Variants in UFL1 observed in about 807,000 individuals in gnomAD.
UFL1 encodes E3 UFM1-protein ligase 1.
Under a neutral mutation model 99.3 loss-of-function variants are expected in UFL1, and 78 were observed. That is an observed-to-expected ratio of 0.79 (90% confidence interval 0.65 to 0.95). UFL1 has a LOEUF of 0.95. Among genes scored for constraint, UFL1 ranks in the 40% least tolerant of loss-of-function variants. The probability of loss-of-function intolerance (pLI) is 0.00; values close to 1 mark genes in which losing one functional copy is unlikely to be tolerated. For missense variants in UFL1, 936 were observed against 937.0 expected (o/e 1.00, Z 0.01); for synonymous variants, 335 against 322.2 (o/e 1.04, Z -0.42).
At position 96,551,500 on chromosome 6, in the gene UFL1, C is replaced by A; in HGVS notation, c.1886C>A (p.Ser629Tyr). The A allele has an allele frequency of 6.5e-7, 1 of 1,527,470 alleles. No homozygotes were observed. The highest frequency in any genetic ancestry group is 2.3e-5 in the Admixed American group (1 of 44,096). The allele number at this position is 1,527,470 out of a possible 1,614,324, so 94.6% of individuals were successfully genotyped here. Residue 629 changes from serine (S) to tyrosine (Y), a missense_variant, in exon 16 of 19, where the codon TCT becomes TAT. By Grantham distance (144) the Ser-to-Tyr change is moderately radical. Coordinates refer to ENST00000369278, the MANE Select transcript of UFL1 (RefSeq NM_015323.5). ...GTAGCTCTTACAAAACTCCATAACT[C>A]TCTGAATGAAAAGGTAAGTAAAGTT... is the stretch of plus-strand genomic sequence containing the variant. ...TKVALTKLHN[S>Y]LNEKSIEDFI... is the part of the protein sequence containing the mutation.
At chr6:96,529,717 G>A (rs1769754383) in intron 6 of UFL1, among the ~76,000 whole-genome samples, 1 of 152,116 alleles carries the variant, frequency 6.6e-6, no homozygotes, top group Non-Finnish European at 1.5e-5. Context: ...CATCTTAGGT[G>A]ATTTCACATG....
intron 5 of UFL1, 24 bp downstream of exon 5, chr6:96,526,459 ATG>A: frequency 6.4e-7 from 1 of 1,573,570 alleles, no homozygotes; most frequent in Non-Finnish European, 8.7e-7. Flanking sequence ...TAATAATACA[ATG>A]TGTCTTTTTA....
At chr6:96,540,067 G>GA (rs1441936273) in intron 10 of UFL1, among the ~76,000 whole-genome samples, 85 of 111,992 alleles carry the variant, frequency 7.6e-4, no homozygotes, top group African/African-American at 4.8e-3. Context: ...AATCCAGAGG[G>GA]GGGAAAAAAA....
At chr6:96,522,695 A>C (rs560201523) in intron 1 of UFL1, among the ~76,000 whole-genome samples, 1 of 152,334 alleles carries the variant, frequency 6.6e-6, no homozygotes, top group Admixed American at 6.5e-5. Flanking sequence ...TGGTTTCACT[A>C]GGCCACATCC....
intron 16 of UFL1, 108 bp downstream of exon 16, chr6:96,551,621 A>G: frequency 1.2e-6 from 1 of 855,424 alleles, no homozygotes; most frequent in African/African-American, 1.8e-5. Context: ...TAAAACTAGT[A>G]TTTTGCACTC....
At position 96,549,656 on chromosome 6, in the gene UFL1, C is replaced by G. The variant is rs749479198; in HGVS notation, c.1688-13C>G. The G allele has an allele frequency of 8.8e-6, 14 of 1,598,386 alleles. No individual in the cohort carries two copies. The highest frequency in any genetic ancestry group is 1.2e-5 in the Non-Finnish European group (14 of 1,173,976). ...GAATAAATTAGTTTTAATAAAGGTC[C>G]TTTATTTTCCAGATGACACACAGGC... is the stretch of plus-strand genomic sequence containing the variant. On this transcript the variant is annotated splice_polypyrimidine_tract_variant and intron_variant, in intron 14 of 18. Coordinates refer to ENST00000369278, the MANE Select transcript of UFL1 (RefSeq NM_015323.5).
chr6:96,522,835 A>G (rs1220195544), intron 1 of UFL1: 1 of 196,224 alleles, frequency 5.1e-6, no homozygotes, highest in Non-Finnish European at 1.0e-5. Context: ...TTTCCTACCT[A>G]AATAAATGTC....
At position 96,523,150 on chromosome 6, in the gene UFL1, T is replaced by A; in HGVS notation, c.82T>A (p.Ser28Thr). 1 of 1,601,808 alleles carries A rather than the reference T, an allele frequency of 6.2e-7. No homozygotes were observed. Among genetic ancestry groups the A allele is most frequent in the Non-Finnish European group, 8.5e-7 (1 of 1,175,166 alleles). ...AQFAEATQRL[S>T]ERNCIEIVNK... ...AACTTTTTTTCTTTCCCTCAGGTTGTCCGAGCGGAACTGCATTGAGATTGT... is the reference window on the plus strand; with the variant it reads ...AACTTTTTTTCTTTCCCTCAGGTTGACCGAGCGGAACTGCATTGAGATTGT... The change falls in exon 2 of 19, where the codon TCC (serine) becomes ACC (threonine). Residue 28 changes from serine (S) to threonine (T), a missense_variant. Physicochemically the swap from Ser to Thr is moderately conservative, Grantham distance 58 (BLOSUM62 1). Coordinates refer to ENST00000369278, the MANE Select transcript of UFL1 (RefSeq NM_015323.5).
At chr6:96,534,161 A>T (rs961200266) in intron 6 of UFL1, 102 bp from the exon 7 acceptor site, 2 of 737,996 alleles carry the variant, frequency 2.7e-6, no homozygotes, top group Non-Finnish European at 3.8e-6. Context: ...TTTTTCTTTT[A>T]AACAGTATTT....
intron 4 of UFL1, among the ~76,000 whole-genome samples, chr6:96,526,018 C>T (rs538355465): frequency 6.6e-6 from 1 of 150,456 alleles, no homozygotes; most frequent in South Asian, 2.1e-4. Flanking sequence ...CCCAGGAGGT[C>T]AAGGCCACAG....
intron 1 of UFL1, 98 bp from the exon 2 acceptor site, chr6:96,523,044 TAAAC>T: frequency 8.3e-7 from 1 of 1,198,374 alleles, no homozygotes. Flanking sequence ...AGTTAGTGAC[TAAAC>T]AAACTTTTTA....
At position 96,552,546 on chromosome 6, in the gene UFL1, C is replaced by T. The variant is rs767264258; in HGVS notation, c.2050C>T (p.Leu684Phe). ...GCTAAAGGTCACAGAAGACCCTGCTCTTATTCTGCACCTCACATCAGTCCT... is the reference window on the plus strand; with the variant it reads ...GCTAAAGGTCACAGAAGACCCTGCTTTTATTCTGCACCTCACATCAGTCCT... Reference protein sequence around the residue: ...EQLKVTEDPALILHLTSVLLF... With the variant: ...EQLKVTEDPAFILHLTSVLLF... The change falls in exon 18 of 19, where the codon CTT becomes TTT. Residue 684 changes from leucine (L) to phenylalanine (F), a missense_variant. Physicochemically the swap from Leu to Phe is conservative, Grantham distance 22 (BLOSUM62 0). Coordinates refer to ENST00000369278, the MANE Select transcript of UFL1 (RefSeq NM_015323.5). The T allele has an allele frequency of 2.5e-6, 4 of 1,612,714 alleles. No homozygotes were observed. The highest frequency in any genetic ancestry group is 2.2e-5 in the East Asian group (1 of 44,800).
At chr6:96,550,031 A>G (rs1472696760) in intron 15 of UFL1, among the ~76,000 whole-genome samples, 2 of 151,862 alleles carry the variant, frequency 1.3e-5, no homozygotes, top group East Asian at 3.9e-4. Flanking sequence ...TAGAATAAAC[A>G]GTTTTTTCCC....
At chr6:96,530,481 C>T (rs1001904111) in intron 6 of UFL1, among the ~76,000 whole-genome samples, 2 of 152,082 alleles carry the variant, frequency 1.3e-5, no homozygotes, top group East Asian at 1.9e-4. Flanking sequence ...AAGTATTTGT[C>T]GGGAGGGCAA....
intron 12 of UFL1, among the ~76,000 whole-genome samples, chr6:96,544,225 A>G (rs1001715760): frequency 2.0e-5 from 3 of 151,052 alleles, no homozygotes; most frequent in African/African-American, 7.3e-5. Context: ...AAGAGAGAGC[A>G]TTAATTATAT....
At position 96,540,588 on chromosome 6, in the gene UFL1, C is replaced by T; in HGVS notation, c.1212C>T (p.Ile404=). The part of the protein sequence containing the change: ...HLITEEDLKQ[I]STLESVSTSK... ...TCACTGAAGAAGATCTGAAACAAAT[C>T]TCCACTTTAGAAAGCGTTAGTACAA... is the stretch of plus-strand genomic sequence containing the variant. The change falls in exon 11 of 19, where the codon ATC becomes ATT. Residue 404 remains isoleucine, a synonymous_variant. Transcript: ENST00000369278. 6.2e-7 allele frequency: 1 copy of T among 1,607,128 alleles called. No individual in the cohort carries two copies. The highest frequency in any genetic ancestry group is 8.5e-7 in the Non-Finnish European group (1 of 1,176,458).
rs1178416664 is a variant in UFL1 at position 96,549,399 on chromosome 6, G to A, written c.1521-13G>A. ...ACATTTTAATAAACTAAATATATTT[G>A]TCTTATGCACAGACCTCTTAATAAA... On this transcript the variant is annotated splice_polypyrimidine_tract_variant and intron_variant, in intron 13 of 18. Transcript: ENST00000369278. 1 of 1,570,772 alleles carries A rather than the reference G, an allele frequency of 6.4e-7. No individual in the cohort carries two copies. The highest frequency in any genetic ancestry group is 8.6e-7 in the Non-Finnish European group (1 of 1,165,218).
chr6:96,552,567 G>A lies in UFL1; in HGVS notation c.2071G>A (p.Val691Ile). ...DPALILHLTS[V>I]LLFQFSTHSM... ...TGCTCTTATTCTGCACCTCACATCAGTCCTGTTGTTTCAGTTTTCAACCCA... is the reference window on the plus strand; with the variant it reads ...TGCTCTTATTCTGCACCTCACATCAATCCTGTTGTTTCAGTTTTCAACCCA... Residue 691 changes from valine (V) to isoleucine (I), a missense_variant, in exon 18 of 19, where the codon GTC becomes ATC. By Grantham distance (29) the Val-to-Ile change is conservative. Coordinates refer to ENST00000369278, the MANE Select transcript of UFL1 (RefSeq NM_015323.5). 1 of 1,612,940 alleles carries A rather than the reference G, an allele frequency of 6.2e-7. No homozygotes were observed.
chr6:96,537,377 T>C lies in UFL1; in HGVS notation c.806T>C (p.Phe269Ser), dbSNP rs778387672. The C allele has an allele frequency of 4.5e-6, 7 of 1,555,044 alleles. No homozygotes were observed. The East Asian group carries it at 9.4e-5, about 21-fold the overall frequency. ...SFFRQNGYLE[F>S]DALSRLGIPD... ...CAACTTTGTGATATATTTGTAGAAT[T>C]TGATGCTTTGTCCAGACTTGGAATC... Residue 269 changes from phenylalanine (F) to serine (S), a missense_variant, in exon 9 of 19, where the codon TTT becomes TCT. Coordinates refer to ENST00000369278, the MANE Select transcript of UFL1 (RefSeq NM_015323.5).
Sources: gnomAD v4.1 joint callset for allele counts (sites outside exome capture counted in the v4.1 genomes callset) on GRCh38, gnomAD v4.1.1 for gene constraint, MANE v1.5 for transcripts, NCBI Gene and HGNC (gene_info 2026-07-23, HGNC 2026-07-21) for gene names.